The following RAB43 variants were observed in gnomAD, a reference collection of about 807,000 sequenced individuals.
RAB43 encodes the protein ras-related protein Rab-43.
A neutral mutation model predicts 18.8 loss-of-function variants in RAB43; 6 were observed. That is an observed-to-expected ratio of 0.32 (90% CI 0.17 to 0.63). The LOEUF (loss-of-function observed/expected upper bound fraction) is 0.63, where lower values mean the gene tolerates loss of function less well. Among genes scored for constraint, RAB43 ranks in the 30% least tolerant of loss-of-function variants. The pLI, the probability that RAB43 is intolerant of heterozygous loss-of-function variation, is 0.79. For synonymous variants in RAB43, 103 were observed against 124.1 expected (o/e 0.83, Z 1.13); for missense variants, 195 against 289.1 (o/e 0.67, Z 2.36).
chr3:129,115,751 G>T (rs1445955607), intron 1 of RAB43, among the ~76,000 whole-genome samples: 1 of 151,514 alleles, frequency 6.6e-6, no homozygotes, highest in Non-Finnish European at 1.5e-5. Context: ...AACCTGGGAG[G>T]TGGAGGTTCC....
intron 1 of RAB43, among the ~76,000 whole-genome samples, chr3:129,099,837 G>A (rs1438517577): frequency 6.6e-6 from 1 of 152,044 alleles, no homozygotes; most frequent in Non-Finnish European, 1.5e-5. Flanking sequence ...ATATGAGGAA[G>A]GGGAAAAAAG....
intron 1 of RAB43, among the ~76,000 whole-genome samples, chr3:129,097,640 AAG>A (rs923991595): frequency 2.0e-5 from 3 of 152,172 alleles, no homozygotes; most frequent in African/African-American, 4.8e-5. Flanking sequence ...GGATGATGGA[AAG>A]AGAGATAAAT....
intron 1 of RAB43, among the ~76,000 whole-genome samples, chr3:129,113,170 A>AT (rs1251520604): frequency 6.8e-4 from 92 of 134,418 alleles, no homozygotes; most frequent in African/African-American, 2.3e-3. Flanking sequence ...TATTATTATT[A>AT]TTTTTTTTTT....
intron 1 of RAB43, among the ~76,000 whole-genome samples, chr3:129,119,755 T>A (rs1380506391): frequency 6.6e-6 from 1 of 152,232 alleles, no homozygotes; most frequent in Non-Finnish European, 1.5e-5. Context: ...GGAGCTCTGC[T>A]GGGACACAGT....
rs113780779 is a variant in RAB43 at position 129,108,205 on chromosome 3, G to A, written c.205-13036C>T. ...CCCCTTCACGCCTCTGTGGCCCTGA[G>A]GAGTGTGGATTAAAGCCCCCCACCA... On this transcript the variant is annotated intron_variant, in intron 1 of 2. Transcript: ENST00000315150. 7.1e-3 allele frequency among the ~76,000 whole-genome samples: 1,088 copies of A among 152,308 alleles called. 6 individuals are homozygous for A. The highest frequency in any genetic ancestry group is 0.02 in the African/African-American group (822 of 41,562).
rs1933969647 is a variant in RAB43 at position 129,095,321 on chromosome 3, G to C, written c.205-152C>G. The C allele has an allele frequency of 6.8e-6, 8 of 1,184,510 alleles. 1 individual carries two copies. In the South Asian group the frequency reaches 1.1e-4, roughly 17 times the overall value. The allele number at this position is 1,184,510 out of a possible 1,614,324, so 73.4% of individuals were successfully genotyped here. ...GAAAGCAACTCAATGGCTCAACCTT[G>C]TTGGAAAAATGGGGAAGCAAAGGGA... is the stretch of plus-strand genomic sequence containing the variant. On this transcript the variant is annotated intron_variant, in intron 1 of 2. Transcript: ENST00000315150. This position sits in a 1 kb window ranked among gnomAD's most constrained non-coding sequence, Gnocchi z 4.2.
intron 1 of RAB43, among the ~76,000 whole-genome samples, chr3:129,119,315 T>C (rs949654738): frequency 1.3e-5 from 2 of 152,172 alleles, no homozygotes; most frequent in African/African-American, 2.4e-5. Flanking sequence ...TGCAGTGAGT[T>C]AGACTTCAGG....
intron 2 of RAB43, chr3:129,092,650 T>C (rs952820289): frequency 1.5e-5 from 8 of 533,460 alleles, no homozygotes; most frequent in Admixed American, 3.2e-5. Context: ...AATACTATTT[T>C]CATAGCTGTA....
At chr3:129,119,245 C>G (rs1450206823) in intron 1 of RAB43, among the ~76,000 whole-genome samples, 1 of 152,200 alleles carries the variant, frequency 6.6e-6, no homozygotes, top group African/African-American at 2.4e-5. Context: ...CCCAGGAAGC[C>G]TGACTCGAAG....
At chr3:129,097,119 A>AAAAAG (rs533057974) in intron 1 of RAB43, among the ~76,000 whole-genome samples, 4 of 152,322 alleles carry the variant, frequency 2.6e-5, no homozygotes, top group South Asian at 2.1e-4. Flanking sequence ...TGTCTCAAAA[A>AAAAAG]AAAAGAAAAG....
chr3:129,108,960 A>G (rs778470551), intron 1 of RAB43, among the ~76,000 whole-genome samples: 8 of 152,078 alleles, frequency 5.3e-5, no homozygotes, highest in Admixed American at 3.3e-4. Context: ...CTTTAGGCTC[A>G]TCGAGTCCCC....
intron 1 of RAB43, among the ~76,000 whole-genome samples, chr3:129,106,676 A>G (rs1934804575): frequency 6.6e-6 from 1 of 152,224 alleles, no homozygotes; most frequent in Non-Finnish European, 1.5e-5. Context: ...CAGGCAGAGC[A>G]GACTGCAATG....
chr3:129,117,727 G>A (rs1310269632), intron 1 of RAB43, among the ~76,000 whole-genome samples: 5 of 152,112 alleles, frequency 3.3e-5, no homozygotes, highest in African/African-American at 9.7e-5. Context: ...AGAATCTCAC[G>A]GTCATCTTTA....
At position 129,090,970 on chromosome 3, in the gene RAB43, C is replaced by T; in HGVS notation, c.*126G>A. The T allele has an allele frequency of 1.7e-6, 1 of 605,570 alleles. No individual in the cohort carries two copies. Among genetic ancestry groups the T allele is most frequent in the Middle Eastern group, 4.4e-4 (1 of 2,250 alleles). The allele number at this position is 605,570 out of a possible 1,614,324, so 37.5% of individuals were successfully genotyped here. Reference sequence around the variant, plus strand: ...CGCAGCCAGGCCACAGGATGCAGAGCTCCAGAGCTTCACCCGGCTGCTGTA... The same window carrying T: ...CGCAGCCAGGCCACAGGATGCAGAGTTCCAGAGCTTCACCCGGCTGCTGTA... On this transcript the variant is annotated 3_prime_UTR_variant, in exon 3 of 3. Transcript: ENST00000315150.
intron 2 of RAB43, among the ~76,000 whole-genome samples, chr3:129,093,194 T>C (rs903682251): frequency 4.0e-5 from 6 of 151,536 alleles, no homozygotes; most frequent in Non-Finnish European, 5.9e-5. Flanking sequence ...TTTCACCATG[T>C]TGCCCAGGCT....
chr3:129,111,558 C>G (rs1395048483), intron 1 of RAB43, among the ~76,000 whole-genome samples: 1 of 151,074 alleles, frequency 6.6e-6, no homozygotes, highest in Non-Finnish European at 1.5e-5. Context: ...GCCATGGGAT[C>G]CAGCAGCACC....
At chr3:129,112,394 G>GAGGTT (rs1283718667) in intron 1 of RAB43, among the ~76,000 whole-genome samples, 5 of 152,110 alleles carry the variant, frequency 3.3e-5, no homozygotes, top group Non-Finnish European at 7.3e-5. Context: ...GGTGGGCATG[G>GAGGTT]AGGTTATCTG....
upstream of RAB43, chr3:129,122,138 C>G (rs1264100524): frequency 1.8e-5 from 3 of 167,970 alleles, no homozygotes; most frequent in African/African-American, 7.4e-5. Context: ...CTCAGCCCTC[C>G]CCGACTCCGC....
chr3:129,109,368 C>T (rs1329234896), intron 1 of RAB43, among the ~76,000 whole-genome samples: 3 of 150,382 alleles, frequency 2.0e-5, no homozygotes, highest in Non-Finnish European at 4.4e-5. Context: ...CGAGGTTGCG[C>T]CACTACACTC....
Sources: gnomAD v4.1 joint callset for allele counts (sites outside exome capture counted in the v4.1 genomes callset) on GRCh38, gnomAD v4.1.1 for gene constraint, Gnocchi (gnomAD v3.1) non-coding constraint, MANE v1.5 for transcripts, NCBI Gene and HGNC (gene_info 2026-07-23, HGNC 2026-07-21) for gene names.